The following CNTFR variants were observed in gnomAD, a reference collection of about 807,000 sequenced individuals.
CNTFR encodes the protein ciliary neurotrophic factor receptor subunit alpha.
Under a neutral mutation model 40.4 loss-of-function variants are expected in CNTFR, and 12 were observed. The ratio of observed to expected loss-of-function variants is 0.30; its 90% CI spans 0.19 to 0.48. CNTFR has a LOEUF of 0.48. CNTFR is among the 20% of genes least tolerant of loss of function. The pLI is 0.99. For missense variants in CNTFR, 414 were observed against 506.8 expected (o/e 0.82, Z 1.76); for synonymous variants, 202 against 209.6 (o/e 0.96, Z 0.31).
rs1471765502 is a variant in CNTFR at position 34,589,330 on chromosome 9, C to A, written c.-112+225G>T. Among the ~76,000 whole-genome samples the A allele has an allele frequency of 1.3e-5, 2 of 152,144 alleles. No homozygotes were observed. Among genetic ancestry groups the A allele is most frequent in the African/African-American group, 2.4e-5 (1 of 41,444 alleles). On this transcript the variant is annotated intron_variant, in intron 1 of 9. Coordinates refer to ENST00000378980, the MANE Select transcript of CNTFR (RefSeq NM_147164.3). The surrounding 1 kb of genome is among the most constrained non-coding windows in gnomAD (Gnocchi z 4.4). ...TCTAGTCCACAGTCGGCCCCACCAC[C>A]ACCACCACGCCCAACCCCCGGAGCG...
At chr9:34,575,620 C>T (rs368881518) in intron 2 of CNTFR, among the ~76,000 whole-genome samples, 3 of 152,166 alleles carry the variant, frequency 2.0e-5, no homozygotes, top group East Asian at 1.9e-4. Context: ...GGTGCAGACA[C>T]ACCCTTGAAT....
chr9:34,554,360 A>G (rs1290684195), intron 7 of CNTFR, among the ~76,000 whole-genome samples: 10 of 152,136 alleles, frequency 6.6e-5, no homozygotes, highest in Non-Finnish European at 1.5e-4. Context: ...TTGCCACCTC[A>G]TTGTGGGCTT....
intron 1 of CNTFR, among the ~76,000 whole-genome samples, chr9:34,583,727 A>G (rs1376549642): frequency 6.6e-6 from 1 of 151,946 alleles, no homozygotes; most frequent in Non-Finnish European, 1.5e-5. Flanking sequence ...CCCAGCCCCC[A>G]ATATTGATTC....
intron 2 of CNTFR, among the ~76,000 whole-genome samples, chr9:34,578,630 G>A (rs1040194605): frequency 6.6e-6 from 1 of 152,224 alleles, no homozygotes; most frequent in Non-Finnish European, 1.5e-5. Context: ...TCAAGGCCCA[G>A]CTCACTTTCC....
intron 2 of CNTFR, among the ~76,000 whole-genome samples, chr9:34,577,135 C>G (rs2132230399): frequency 6.6e-6 from 1 of 152,358 alleles, no homozygotes; most frequent in South Asian, 2.1e-4. Flanking sequence ...GCCCCGCCCC[C>G]ATCACTGGAG....
intron 3 of CNTFR, chr9:34,568,174 G>C (rs1366882624): frequency 4.6e-5 from 7 of 152,386 alleles, no homozygotes; most frequent in African/African-American, 1.7e-4. Context: ...TTTGAGTTCA[G>C]ACCTCGGGCT....
At chr9:34,560,702 C>G (rs1175009198) in intron 4 of CNTFR, among the ~76,000 whole-genome samples, 1 of 152,218 alleles carries the variant, frequency 6.6e-6, no homozygotes, top group Non-Finnish European at 1.5e-5. Context: ...CAGTATCAGG[C>G]TCTGGGCATA....
chr9:34,567,201 A>G (rs955759291), intron 3 of CNTFR, among the ~76,000 whole-genome samples: 1 of 152,008 alleles, frequency 6.6e-6, no homozygotes, highest in Non-Finnish European at 1.5e-5. Flanking sequence ...CTTGGCCCTG[A>G]AGCGGTGACA....
At chr9:34,571,600 G>A (rs1431561287) in intron 2 of CNTFR, among the ~76,000 whole-genome samples, 1 of 150,868 alleles carries the variant, frequency 6.6e-6, no homozygotes, top group Non-Finnish European at 1.5e-5. Flanking sequence ...TCAGGCCCCC[G>A]CGGGGGGAGG....
rs568694820 is a variant in CNTFR at position 34,578,987 on chromosome 9, C to T, written c.-1+2108G>A. ...GGTCTCCAGGGAGGGACCAGGCTGCCCAGAGGGTGACGGACAGGTTGGTCA... is the reference window on the plus strand; with the variant it reads ...GGTCTCCAGGGAGGGACCAGGCTGCTCAGAGGGTGACGGACAGGTTGGTCA... On this transcript the variant is annotated intron_variant, in intron 2 of 9. Transcript: ENST00000378980. Among the ~76,000 whole-genome samples, 79 of 152,338 alleles carry T rather than the reference C, an allele frequency of 5.2e-4. 1 individual carries two copies. Among genetic ancestry groups the T allele is most frequent in the Admixed American group, 8.5e-4 (13 of 15,306 alleles).
chr9:34,571,059 G>GGAGCCT (rs2132196210), intron 2 of CNTFR, among the ~76,000 whole-genome samples: 1 of 152,226 alleles, frequency 6.6e-6, no homozygotes, highest in Non-Finnish European at 1.5e-5. Flanking sequence ...AGTGACTCCT[G>GGAGCCT]GAGCCTTAGC....
chr9:34,584,256 T>C (rs767589205), intron 1 of CNTFR, among the ~76,000 whole-genome samples: 1 of 152,284 alleles, frequency 6.6e-6, no homozygotes, highest in Non-Finnish European at 1.5e-5. Flanking sequence ...TTACCCTAAA[T>C]GTTGCCATAA....
In CNTFR at chr9:34,552,859, A is replaced by C. The variant is rs780085660; in HGVS notation, c.769-5T>G. 3 of 1,609,278 alleles carry C rather than the reference A, an allele frequency of 1.9e-6. No individual in the cohort carries two copies. In the African/African-American group the frequency reaches 4.0e-5, roughly 21 times the overall value. Reference sequence around the variant, plus strand: ...TGTGCCGTCGGACAGCTCCACCTGCAGCCAGACCATGGGGTGGGGGTAAGG... The same window carrying C: ...TGTGCCGTCGGACAGCTCCACCTGCCGCCAGACCATGGGGTGGGGGTAAGG... On this transcript the variant is annotated splice_polypyrimidine_tract_variant and splice_region_variant and intron_variant, in intron 7 of 9. Coordinates refer to ENST00000378980, the MANE Select transcript of CNTFR (RefSeq NM_147164.3). The surrounding 1 kb of genome is among the most constrained non-coding windows in gnomAD (Gnocchi z 5.1).
At chr9:34,587,466 T>C (rs534475245) in intron 1 of CNTFR, among the ~76,000 whole-genome samples, 1 of 152,164 alleles carries the variant, frequency 6.6e-6, no homozygotes, top group African/African-American at 2.4e-5. Context: ...AAGATCCTGG[T>C]ATGAGTCTAT....
Position 34,589,402 on chromosome 9 carries a change from G to GCA in CNTFR, c.-112+151_-112+152dup, listed in dbSNP as rs1179085035. 6.6e-6 allele frequency among the ~76,000 whole-genome samples: 1 copy of GCA among 151,158 alleles called. No homozygotes were observed. The highest frequency in any genetic ancestry group is 2.4e-5 in the African/African-American group (1 of 41,176). On this transcript the variant is annotated intron_variant, in intron 1 of 9. Transcript: ENST00000378980. The surrounding 1 kb of genome is among the most constrained non-coding windows in gnomAD (Gnocchi z 4.4). ...CTCCAGCGCCCCCGCCCCCGAGTTT[G>GCA]CAGGCAAAGTTTCTCGTGAACTTTC...
intron 1 of CNTFR, chr9:34,582,268 C>T (rs1172464896): frequency 1.0e-5 from 1 of 98,816 alleles, no homozygotes; most frequent in African/African-American, 4.6e-5. Flanking sequence ...CCAAGTGAAA[C>T]CCTATGGCAA....
chr9:34,552,049 A>G lies in CNTFR; in HGVS notation c.*22T>C. 1 of 1,363,892 alleles carries G rather than the reference A, an allele frequency of 7.3e-7. No homozygotes were observed. Among genetic ancestry groups the G allele is most frequent in the Non-Finnish European group, 1.0e-6 (1 of 960,756 alleles). The allele number at this position is 1,363,892 out of a possible 1,614,324, so 84.5% of individuals were successfully genotyped here. On this transcript the variant is annotated 3_prime_UTR_variant, in exon 10 of 10. Transcript: ENST00000378980. This position sits in a 1 kb window ranked among gnomAD's most constrained non-coding sequence, Gnocchi z 5.1. ...TCCTGCTCCTCTGCAGGTGCTCTGC[A>G]TGTCCTCATGGGGTGCCGGGCTCTG...
At chr9:34,578,663 G>A (rs1827121826) in intron 2 of CNTFR, among the ~76,000 whole-genome samples, 1 of 152,216 alleles carries the variant, frequency 6.6e-6, no homozygotes, top group African/African-American at 2.4e-5. Context: ...GGCACGGGAG[G>A]CTCCCAGCCT....
At chr9:34,571,815 G>A (rs77742396) in intron 2 of CNTFR, among the ~76,000 whole-genome samples, 4,527 of 152,072 alleles carry the variant, frequency 0.03, 235 homozygotes, top group African/African-American at 0.1. Flanking sequence ...CAAGAGGGAG[G>A]GAGAGAGGAG....
Sources: allele counts gnomAD v4.1 joint callset (sites outside exome capture counted in the v4.1 genomes callset), GRCh38; gene constraint gnomAD v4.1.1; non-coding constraint Gnocchi (gnomAD v3.1); transcripts MANE v1.5; gene names NCBI Gene and HGNC (gene_info 2026-07-23, HGNC 2026-07-21).